The following PATL1 variants were observed in gnomAD, a reference collection of about 807,000 sequenced individuals.
PATL1 encodes the protein protein PAT1 homolog 1.
Under a neutral mutation model 100.6 loss-of-function variants are expected in PATL1, and 32 were observed. The ratio of observed to expected loss-of-function variants is 0.32; its 90% CI spans 0.24 to 0.43. The LOEUF (loss-of-function observed/expected upper bound fraction) is 0.43, where lower values mean the gene tolerates loss of function less well. PATL1 is among the 20% of genes least tolerant of loss of function. The probability of loss-of-function intolerance (pLI) is 1.00; values close to 1 mark genes in which losing one functional copy is unlikely to be tolerated. For missense variants in PATL1, 747 were observed against 949.9 expected (o/e 0.79, Z 2.81); for synonymous variants, 332 against 330.0 (o/e 1.01, Z -0.07).
In PATL1 at chr11:59,648,531, A is replaced by G. The variant is rs1861396293; in HGVS notation, c.1734-618T>C. On this transcript the variant is annotated intron_variant, in intron 14 of 18. Transcript: ENST00000300146. Reference sequence around the variant, plus strand: ...GCAACAGCTTAAAAAAAAAAAAAAGAAAAAAGAAAATAAAAACATTCGTCA... The same window carrying G: ...GCAACAGCTTAAAAAAAAAAAAAAGGAAAAAGAAAATAAAAACATTCGTCA... Among the ~76,000 whole-genome samples, 2 of 151,334 alleles carry G rather than the reference A, an allele frequency of 1.3e-5. 1 individual carries two copies. The highest frequency in any genetic ancestry group is 4.1e-4 in the South Asian group (2 of 4,820).
In PATL1 at chr11:59,650,794, A is replaced by G. The variant is rs1177603529; in HGVS notation, c.1544T>C (p.Val515Ala). Reference sequence around the variant, plus strand: ...AAGGGTTTTTCTCCTCTTGTCTCGAACTTGTTTTTCTTTTGTCTCCTAAAA... The same window carrying G: ...AAGGGTTTTTCTCCTCTTGTCTCGAGCTTGTTTTTCTTTTGTCTCCTAAAA... ...SEDDETKEKQ[V>A]RDKRRKTLVI... Residue 515 changes from valine to alanine, a missense_variant, in exon 13 of 19, where the codon GTT becomes GCT. Physicochemically the swap from Val to Ala is moderately conservative, Grantham distance 64. Around this residue, in one of 4 missense-constraint regions of PATL1, gnomAD observed 434 missense variants for 596.1 expected, o/e 0.73. Coordinates refer to ENST00000300146, the MANE Select transcript of PATL1 (RefSeq NM_152716.3). The G allele has an allele frequency of 6.4e-7, 1 of 1,556,672 alleles. No individual in the cohort carries two copies. The highest frequency in any genetic ancestry group is 8.7e-7 in the Non-Finnish European group (1 of 1,148,688).
At chr11:59,667,058 A>G (rs1861700857) in intron 1 of PATL1, 94 bp from the exon 2 acceptor site, 7 of 1,454,674 alleles carry the variant, frequency 4.8e-6, no homozygotes, top group South Asian at 4.3e-5. Context: ...CTCAATGAAC[A>G]TAATTGCTTC....
chr11:59,656,370 A>T, intron 6 of PATL1, 129 bp downstream of exon 6: 1 of 773,928 alleles, frequency 1.3e-6, no homozygotes, highest in Non-Finnish European at 2.1e-6. Flanking sequence ...CCAGCAATTT[A>T]AGTAAGGAGA....
rs1456160516 is a variant in PATL1 at position 59,658,776 on chromosome 11, T to C, written c.426+90A>G. ...ACATAATTCTAGCAAATGAAAGACC[T>C]ATAAACCCCTTCAGTAAGGAAAGGA... On this transcript the variant is annotated intron_variant, in intron 4 of 18. Coordinates refer to ENST00000300146, the MANE Select transcript of PATL1 (RefSeq NM_152716.3). The C allele has an allele frequency of 5.3e-6, 5 of 952,208 alleles. No individual in the cohort carries two copies. The African/African-American group carries it at 6.7e-5, about 13-fold the overall frequency. The allele number at this position is 952,208 out of a possible 1,614,324, so 59.0% of individuals were successfully genotyped here. A position where few individuals can be genotyped will look rare whatever the true frequency, so the allele number is the denominator to read the frequency against.
At position 59,653,966 on chromosome 11, in the gene PATL1, A is replaced by G. The variant is rs376062066; in HGVS notation, c.1121+17T>C. 3.1e-6 allele frequency: 5 copies of G among 1,588,146 alleles called. No individual in the cohort carries two copies. The African/African-American group carries it at 6.7e-5, about 21-fold the overall frequency. On this transcript the variant is annotated intron_variant, in intron 9 of 18. Coordinates refer to ENST00000300146, the MANE Select transcript of PATL1 (RefSeq NM_152716.3). ...AGCTGAATTAAGAAGCCATAAAGGA[A>G]TCGGATGAGTACTTACCTTCTATTC...
chr11:59,654,471 ACT>A (rs1435761809), intron 8 of PATL1, among the ~76,000 whole-genome samples: 1 of 143,382 alleles, frequency 7.0e-6, no homozygotes, highest in Admixed American at 7.2e-5. Context: ...ACAGAGTGAG[ACT>A]CTGTCTCAAA....
At chr11:59,653,103 T>G (rs1440456997) in intron 9 of PATL1, 85 bp from the exon 10 acceptor site, 2 of 1,263,436 alleles carry the variant, frequency 1.6e-6, no homozygotes, top group South Asian at 1.8e-5. Flanking sequence ...GCCAGTTTTT[T>G]TTTTTTTTTT....
intron 2 of PATL1, among the ~76,000 whole-genome samples, chr11:59,661,368 G>T (rs961445250): frequency 6.6e-6 from 1 of 152,174 alleles, no homozygotes; most frequent in Non-Finnish European, 1.5e-5. Context: ...TCACAGGCTT[G>T]AGCCACTGCC....
intron 2 of PATL1, among the ~76,000 whole-genome samples, chr11:59,662,854 C>A (rs1249526632): frequency 6.6e-6 from 1 of 151,966 alleles, no homozygotes; most frequent in Non-Finnish European, 1.5e-5. Context: ...AATCTATTTC[C>A]CCTTAATAAT....
intron 2 of PATL1, among the ~76,000 whole-genome samples, chr11:59,659,693 C>T (rs1038265488): frequency 1.3e-5 from 2 of 152,082 alleles, no homozygotes; most frequent in Non-Finnish European, 2.9e-5. Flanking sequence ...GCGCCCACCA[C>T]CACACCTGGC....
chr11:59,661,125 G>A (rs185902270), intron 2 of PATL1, among the ~76,000 whole-genome samples: 55 of 152,074 alleles, frequency 3.6e-4, no homozygotes, highest in South Asian at 6.2e-4. Context: ...TCTCACTGTC[G>A]TCCAGGTTGG....
In PATL1 at chr11:59,655,374, T is replaced by G. The variant is rs1477435797; in HGVS notation, c.1031+149A>C. 2.0e-5 allele frequency: 15 copies of G among 748,532 alleles called. No homozygotes were observed. The East Asian group carries it at 4.1e-4, about 20-fold the overall frequency. The allele number at this position is 748,532 out of a possible 1,614,324, so 46.4% of individuals were successfully genotyped here. A position where few individuals can be genotyped will look rare whatever the true frequency, so the allele number is the denominator to read the frequency against. Reference sequence around the variant, plus strand: ...GTGATTCACAAGAAAGCCTGGAGATTGTCAAACATTTCCATGTTTGCCAAC... The same window carrying G: ...GTGATTCACAAGAAAGCCTGGAGATGGTCAAACATTTCCATGTTTGCCAAC... On this transcript the variant is annotated intron_variant, in intron 8 of 18. Transcript: ENST00000300146.
intron 15 of PATL1, among the ~76,000 whole-genome samples, chr11:59,646,278 ATTTTTTT>A (rs35277057): frequency 7.5e-6 from 1 of 133,798 alleles, no homozygotes; most frequent in Admixed American, 7.4e-5. Context: ...CATTTGTGGA[ATTTTTTT>A]TTTTTTTTTT....
intron 1 of PATL1, among the ~76,000 whole-genome samples, chr11:59,668,041 A>T (rs1436317310): frequency 6.6e-6 from 1 of 152,254 alleles, no homozygotes; most frequent in Non-Finnish European, 1.5e-5. Flanking sequence ...AACTCATGCC[A>T]ATAGGCATGC....
At chr11:59,649,377 A>T (rs976553400) in intron 14 of PATL1, 85 bp downstream of exon 14, 16 of 1,436,640 alleles carry the variant, frequency 1.1e-5, no homozygotes, top group South Asian at 1.3e-5. Context: ...AGGGAAGTGT[A>T]CCTAAAAGGC....
At chr11:59,645,492 T>A (rs570413244) in intron 15 of PATL1, among the ~76,000 whole-genome samples, 1 of 151,286 alleles carries the variant, frequency 6.6e-6, no homozygotes, top group African/African-American at 2.4e-5. Flanking sequence ...AATTTTATCA[T>A]TTCTTTTGTA....
chr11:59,641,797 T>C (rs1169142533), intron 16 of PATL1, among the ~76,000 whole-genome samples: 1 of 152,052 alleles, frequency 6.6e-6, no homozygotes, highest in Non-Finnish European at 1.5e-5. Context: ...AAAAAAATAC[T>C]ACTGCCTTTA....
At chr11:59,664,043 T>C (rs1436900330) in intron 2 of PATL1, among the ~76,000 whole-genome samples, 3 of 152,196 alleles carry the variant, frequency 2.0e-5, no homozygotes, top group African/African-American at 4.8e-5. Context: ...GGGAAAGGGC[T>C]CACCTTTGGA....
chr11:59,656,706 C>G (rs1186330231), intron 5 of PATL1, 106 bp from the exon 6 acceptor site: 4 of 974,240 alleles, frequency 4.1e-6, no homozygotes, highest in Non-Finnish European at 6.2e-6. Context: ...CAATGCAAAG[C>G]CCTACTTCTA....
Sources: gnomAD v4.1 joint callset for allele counts (sites outside exome capture counted in the v4.1 genomes callset) on GRCh38, gnomAD v4.1.1 for gene constraint, gnomAD v4.1.1 regional missense constraint, MANE v1.5 for transcripts, NCBI Gene and HGNC (gene_info 2026-07-23, HGNC 2026-07-21) for gene names.